UTRN: variants seen among roughly 807,000 people sequenced by gnomAD.
UTRN encodes the protein utrophin.
UTRN carries 283 observed loss-of-function variants against 463.9 expected under a neutral mutation model. That is an observed-to-expected ratio of 0.61 (90% confidence interval 0.55 to 0.67). UTRN has a LOEUF of 0.67. Among genes scored for constraint, UTRN ranks in the 30% least tolerant of loss-of-function variants. UTRN has a pLI of 0.00. For synonymous variants in UTRN, 1,442 were observed against 1,431.5 expected (o/e 1.01, Z -0.17); for missense variants, 3,922 against 4,084.3 (o/e 0.96, Z 1.08).
rs1168771214 is a variant in UTRN, at chr6:144,827,392, T to TA, written c.9533+7dup. On this transcript the variant is annotated splice_region_variant and intron_variant, in intron 67 of 74. Transcript: ENST00000367545. ...ATGTGGCCAGAGCACTATGAGTGAGTATTCATAGCCCACGTGCAGGAGAGG... is the reference window on the plus strand; with the variant it reads ...ATGTGGCCAGAGCACTATGAGTGAGTAATTCATAGCCCACGTGCAGGAGAGG... The TA allele has an allele frequency of 6.2e-7, 1 of 1,613,316 alleles. No homozygotes were observed. Among genetic ancestry groups the TA allele is most frequent in the Non-Finnish European group, 8.5e-7 (1 of 1,179,606 alleles).
intron 39 of UTRN, among the ~76,000 whole-genome samples, chr6:144,520,487 G>A (rs1795992256): frequency 6.6e-6 from 1 of 152,112 alleles, no homozygotes; most frequent in South Asian, 2.1e-4. Context: ...TAAACTTGCG[G>A]CATTAGGATA....
chr6:144,433,348 C>G (rs1232027194), intron 9 of UTRN, among the ~76,000 whole-genome samples: 2,927 of 150,126 alleles, frequency 0.019, 83 homozygotes, highest in African/African-American at 0.069. Flanking sequence ...GACGGGGCGG[C>G]TGGCCTGGCG....
chr6:144,525,276 G>A (rs530589133), intron 41 of UTRN, among the ~76,000 whole-genome samples: 3 of 152,112 alleles, frequency 2.0e-5, no homozygotes, highest in Admixed American at 2.0e-4. Context: ...ATTCTTCTTT[G>A]AATGTCTGAT....
chr6:144,529,692 C>T (rs1296484384), intron 41 of UTRN, among the ~76,000 whole-genome samples: 1 of 151,792 alleles, frequency 6.6e-6, no homozygotes, highest in African/African-American at 2.4e-5. Context: ...AATTGCTTTA[C>T]TGTGGGCAGT....
At chr6:144,782,593 T>C (rs1775933492) in intron 61 of UTRN, among the ~76,000 whole-genome samples, 1 of 151,130 alleles carries the variant, frequency 6.6e-6, no homozygotes, top group African/African-American at 2.4e-5. Context: ...TCTTTTAATA[T>C]TTGCTTTATT....
chr6:144,618,319 T>C (rs533442701), intron 51 of UTRN, among the ~76,000 whole-genome samples: 1 of 152,166 alleles, frequency 6.6e-6, no homozygotes, highest in Non-Finnish European at 1.5e-5. Flanking sequence ...GTTTAAATAT[T>C]ATATTTACTT....
At chr6:144,717,650 T>C (rs1387556051) in intron 53 of UTRN, among the ~76,000 whole-genome samples, 27 of 145,872 alleles carry the variant, frequency 1.9e-4, no homozygotes, top group Admixed American at 1.8e-3. Context: ...TTTTTTTTTT[T>C]TTTGAGACAG....
chr6:144,757,325 C>T (rs1296127040), intron 57 of UTRN, among the ~76,000 whole-genome samples: 2 of 151,062 alleles, frequency 1.3e-5, no homozygotes, highest in Admixed American at 6.6e-5. Context: ...GGAGACTGGG[C>T]TCTCTGTATG....
At position 144,479,926 on chromosome 6, in the gene UTRN, C is replaced by A. The variant is rs375499592; in HGVS notation, c.3451C>A (p.Arg1151=). 1 of 1,614,016 alleles carries A rather than the reference C, an allele frequency of 6.2e-7. No individual in the cohort carries two copies. The change falls in exon 26 of 75, where the codon CGG becomes AGG. Residue 1151 remains arginine (R), a synonymous_variant. Coordinates refer to ENST00000367545, the MANE Select transcript of UTRN (RefSeq NM_007124.3). ...CCAGGCCGAGGAAGAATATTTGGAG[C>A]GGGATTTTGAGTACAAGTCACCAGA... ...MTQAEEEYLE[R]DFEYKSPEEL...
intron 2 of UTRN, among the ~76,000 whole-genome samples, chr6:144,303,845 C>G (rs1256523551): frequency 2.6e-5 from 4 of 152,128 alleles, no homozygotes; most frequent in Non-Finnish European, 5.9e-5. Context: ...TTCAGAGGAA[C>G]TTTAATTAAA....
chr6:144,836,253 C>T (rs752323475), intron 70 of UTRN, 48 bp from the exon 71 acceptor site: 78 of 1,610,340 alleles, frequency 4.8e-5, no homozygotes, highest in Admixed American at 8.4e-5. Flanking sequence ...TTTGGAGAGA[C>T]GATAATGCAC....
rs141561831 is a variant in UTRN, at chr6:144,701,130, C to T, written c.7809+887C>T. Among the ~76,000 whole-genome samples, 450 of 152,288 alleles carry T rather than the reference C, an allele frequency of 3.0e-3. 20 individuals are homozygous for T. In the East Asian group the frequency reaches 0.065, roughly 22 times the overall value. On this transcript the variant is annotated intron_variant, in intron 53 of 74. Coordinates refer to ENST00000367545, the MANE Select transcript of UTRN (RefSeq NM_007124.3). ...CCATGTTGGTCAGGCTGGTCTCGAA[C>T]TCCTGACCTCAGGTGATCTGTCTTC...
At chr6:144,599,699 G>A (rs1047306028) in intron 51 of UTRN, among the ~76,000 whole-genome samples, 17 of 152,226 alleles carry the variant, frequency 1.1e-4, no homozygotes, top group African/African-American at 3.9e-4. Flanking sequence ...AGAAAGGAAG[G>A]AAGAAGAAAA....
At chr6:144,579,640 A>C (rs984866478) in intron 51 of UTRN, among the ~76,000 whole-genome samples, 3 of 152,226 alleles carry the variant, frequency 2.0e-5, no homozygotes, top group African/African-American at 7.2e-5. Flanking sequence ...AAATCTTTCA[A>C]AATAAAAATA....
rs772860263 is a variant in UTRN, at chr6:144,820,992, A to G, written c.9468A>G (p.Thr3156=). ...GACTTGGTTACCTGCCTGTCCAGAC[A>G]GTTCTTGAAGGTGACAACTTAGAGA... ...HPRLGYLPVQ[T]VLEGDNLETP... Residue 3156 remains threonine (T), a synonymous_variant, in exon 66 of 75, where the codon ACA becomes ACG. Coordinates refer to ENST00000367545, the MANE Select transcript of UTRN (RefSeq NM_007124.3). 1 of 1,613,828 alleles carries G rather than the reference A, an allele frequency of 6.2e-7. No individual in the cohort carries two copies. The highest frequency in any genetic ancestry group is 1.1e-5 in the South Asian group (1 of 91,034).
chr6:144,320,762 G>C (rs957059387), intron 2 of UTRN, among the ~76,000 whole-genome samples: 4 of 152,196 alleles, frequency 2.6e-5, no homozygotes, highest in African/African-American at 9.6e-5. Context: ...CTTCCTTTCA[G>C]TCGTGGTCTG....
chr6:144,309,375 T>A (rs765276475), intron 2 of UTRN, among the ~76,000 whole-genome samples: 6 of 152,198 alleles, frequency 3.9e-5, no homozygotes, highest in Non-Finnish European at 5.9e-5. Flanking sequence ...ACATCTTCTA[T>A]GTTCAGATCT....
chr6:144,776,384 T>A (rs1204807606), intron 60 of UTRN, among the ~76,000 whole-genome samples: 1 of 152,198 alleles, frequency 6.6e-6, no homozygotes, highest in Non-Finnish European at 1.5e-5. Context: ...ATCTCCACTG[T>A]GAACTACTTT....
At chr6:144,392,787 T>C (rs1782052700) in intron 2 of UTRN, among the ~76,000 whole-genome samples, 1 of 152,198 alleles carries the variant, frequency 6.6e-6, no homozygotes, top group African/African-American at 2.4e-5. Flanking sequence ...ATCCTACCTG[T>C]CTCTTTTCTT....
Sources: gnomAD v4.1 joint callset for allele counts (sites outside exome capture counted in the v4.1 genomes callset) on GRCh38, gnomAD v4.1.1 for gene constraint, MANE v1.5 for transcripts, NCBI Gene and HGNC (gene_info 2026-07-23, HGNC 2026-07-21) for gene names.